The following ZNF540 variants were observed in gnomAD, a reference collection of about 807,000 sequenced individuals.
The protein encoded by ZNF540 is CTD-3064H18.6.
ZNF540 carries 3 observed loss-of-function variants against 11.8 expected under a neutral mutation model. The ratio of observed to expected loss-of-function variants is 0.25; its 90% confidence interval spans 0.12 to 0.65. The LOEUF (loss-of-function observed/expected upper bound fraction) is 0.65. Ranked by LOEUF, ZNF540 falls within the 30% of genes least tolerant of loss-of-function variation. The pLI, the probability that ZNF540 is intolerant of heterozygous loss-of-function variation, is 0.83. For synonymous variants in ZNF540, 247 were observed against 259.0 expected, an observed-to-expected ratio of 0.95 and a Z score of 0.45; for missense variants, 709 against 793.1, an observed-to-expected ratio of 0.89 and a Z score of 1.27.
At chr19:37,574,044 T>C (rs1385501448) in intron 1 of ZNF540, among the ~76,000 whole-genome samples, 1 of 152,190 alleles carries the variant, frequency 6.6e-6, no homozygotes, top group Non-Finnish European at 1.5e-5. Context: ...CATGTATTCC[T>C]GAAACATATA....
chr19:37,553,110 CATCTTTTTTTT>C (rs2042624936), intron 1 of ZNF540, among the ~76,000 whole-genome samples: 1 of 62,866 alleles, frequency 1.6e-5, no homozygotes, highest in Non-Finnish European at 3.2e-5. Flanking sequence ...TATAACCTAA[CATCTTTTTTTT>C]TTTTTTTTTT....
At chr19:37,594,754 ACAAGCTCC>A (rs1254090588), upstream of ZNF540, 1 of 152,190 alleles carries the variant, frequency 6.6e-6, no homozygotes, top group Admixed American at 6.5e-5. Context: ...GCCGGCGCAG[ACAAGCTCC>A]GTGCGTCAAG....
chr19:37,589,587 A>G (rs1050247360), intron 1 of ZNF540, among the ~76,000 whole-genome samples: 2 of 152,136 alleles, frequency 1.3e-5, no homozygotes, highest in Non-Finnish European at 2.9e-5. Context: ...TGAATCCAAT[A>G]TCATTAAGAT....
chr19:37,581,418 C>A (rs985904982), intron 1 of ZNF540, among the ~76,000 whole-genome samples: 9 of 152,118 alleles, frequency 5.9e-5, no homozygotes, highest in Non-Finnish European at 8.8e-5. Flanking sequence ...AGATCATTTA[C>A]CTTTATACCA....
In ZNF540 at chr19:37,604,296, CTTTTTTTTTTTTT is replaced by C. The variant is rs769163050; in HGVS notation, c.232+3208_232+3220del. Among the ~76,000 whole-genome samples the C allele has an allele frequency of 5.2e-3, 394 of 75,282 alleles. 10 individuals are homozygous for C. In the Middle Eastern group the frequency reaches 0.056, roughly 11 times the overall value. The allele number at this position is 75,282 out of a possible 152,430, so 49.4% of individuals were successfully genotyped here. A position where few individuals can be genotyped will look rare whatever the true frequency, so the allele number is the denominator to read the frequency against. The stretch of plus-strand genomic sequence containing the variant: ...CATAGAGCTTTGGAAAATAGCCTTA[CTTTTTTTTTTTTT>C]TTTTTTTTTTTTTTTTAAGGCGGAG... On this transcript the variant is annotated intron_variant, in intron 4 of 4. Coordinates refer to ENST00000316433, the MANE Select transcript of ZNF540 (RefSeq NM_001172225.3).
intron 1 of ZNF540, among the ~76,000 whole-genome samples, chr19:37,582,013 G>T (rs936128622): frequency 1.3e-5 from 2 of 152,008 alleles, no homozygotes; most frequent in South Asian, 4.1e-4. Flanking sequence ...AAATAATACT[G>T]CATATATAAA....
intron 1 of ZNF540, chr19:37,566,258 G>T: frequency 6.2e-7 from 1 of 1,612,850 alleles, no homozygotes; most frequent in South Asian, 1.1e-5. Context: ...CTTTTCTGGA[G>T]ATAACTTTTT....
chr19:37,577,624 A>C (rs2043287607), intron 1 of ZNF540, among the ~76,000 whole-genome samples: 1 of 152,206 alleles, frequency 6.6e-6, no homozygotes, highest in Non-Finnish European at 1.5e-5. Context: ...CCACAGACTA[A>C]CTCATATATG....
chr19:37,591,324 T>C (rs1176120890), upstream of ZNF540, among the ~76,000 whole-genome samples: 1 of 152,112 alleles, frequency 6.6e-6, no homozygotes, highest in African/African-American at 2.4e-5. Context: ...ACTAGAATCA[T>C]GACAGAAAGA....
Position 37,594,931 on chromosome 19 carries a change from C to T in ZNF540, c.-237C>T, listed in dbSNP as rs902238705. 1.3e-5 allele frequency: 2 copies of T among 152,180 alleles called. No individual in the cohort carries two copies. Among genetic ancestry groups the T allele is most frequent in the African/African-American group, 4.8e-5 (2 of 41,442 alleles). The allele number at this position is 152,180 out of a possible 1,614,324, so 9.4% of individuals were successfully genotyped here. A position where few individuals can be genotyped will look rare whatever the true frequency, so the allele number is the denominator to read the frequency against. On this transcript the variant is annotated 5_prime_UTR_variant, in exon 1 of 5. Coordinates refer to ENST00000316433, the MANE Select transcript of ZNF540 (RefSeq NM_001172225.3). ...GAACGATCCCTGAGGCTCCCTTGCTCGAACTGTGGGACTTACCCTACTATG... is the reference window on the plus strand; with the variant it reads ...GAACGATCCCTGAGGCTCCCTTGCTTGAACTGTGGGACTTACCCTACTATG...
In ZNF540 at chr19:37,601,045, CTGGA is replaced by C; in HGVS notation, c.173_176del (p.Leu58ArgfsTer13). The stretch of plus-strand genomic sequence containing the variant: ...CTCAAAGCCAGATGTGATTACCTTA[CTGGA>C]GCAAGGGAAAGAGCCCTGCGTGGTG... On this transcript the variant is annotated frameshift_variant, in exon 4 of 5. Transcript: ENST00000316433. LOFTEE classifies it high-confidence loss of function. 1 of 1,591,900 alleles carries C rather than the reference CTGGA, an allele frequency of 6.3e-7. No individual in the cohort carries two copies.
intron 1 of ZNF540, among the ~76,000 whole-genome samples, chr19:37,572,341 T>C (rs1490860554): frequency 6.6e-6 from 1 of 152,174 alleles, no homozygotes; most frequent in Non-Finnish European, 1.5e-5. Flanking sequence ...ATACCAGAAA[T>C]AAACAATTCA....
chr19:37,611,365 A>C (rs1215333040), intron 4 of ZNF540, 148 bp from the exon 5 acceptor site: 2 of 625,944 alleles, frequency 3.2e-6, no homozygotes, highest in Non-Finnish European at 5.2e-6. Flanking sequence ...GCCTAATTTC[A>C]AATTATATAA....
chr19:37,560,359 G>T (rs2042703842), intron 1 of ZNF540: 1 of 151,630 alleles, frequency 6.6e-6, no homozygotes, highest in Non-Finnish European at 1.5e-5. Context: ...ATGTAACTTT[G>T]TAAGATAAAT....
chr19:37,587,457 C>G (rs1600531562), intron 1 of ZNF540: 1 of 152,246 alleles, frequency 6.6e-6, no homozygotes, highest in Non-Finnish European at 1.5e-5. Context: ...CACAGAAGCA[C>G]GGAGGGTCAA....
At position 37,612,575 on chromosome 19, in the gene ZNF540, T is replaced by G. The variant is rs1302272218; in HGVS notation, c.1295T>G (p.Ile432Ser). Reference sequence around the variant, plus strand: ...GGTGACCTCAGAGTACATTCTAGAATTCATACTGGAGAGAAACCATATGAA... The same window carrying G: ...GGTGACCTCAGAGTACATTCTAGAAGTCATACTGGAGAGAAACCATATGAA... ...YSGDLRVHSR[I>S]HTGEKPYECK... Residue 432 changes from isoleucine (I) to serine (S), a missense_variant, in exon 5 of 5, where the codon ATT (isoleucine) becomes AGT (serine). By Grantham distance (142) the Ile-to-Ser change is moderately radical (BLOSUM62 -2). Coordinates refer to ENST00000316433, the MANE Select transcript of ZNF540 (RefSeq NM_001172225.3). 1.9e-6 allele frequency: 3 copies of G among 1,613,988 alleles called. No individual in the cohort carries two copies. Among genetic ancestry groups the G allele is most frequent in the South Asian group, 1.1e-5 (1 of 91,088 alleles).
intron 1 of ZNF540, among the ~76,000 whole-genome samples, chr19:37,577,097 T>C (rs7256747): frequency 0.79 from 119,926 of 152,120 alleles, 47,377 homozygotes; most frequent in South Asian, 0.88. Context: ...GAACATTCCA[T>C]TTACAACAAA....
At chr19:37,579,351 C>T (rs969490340) in intron 1 of ZNF540, among the ~76,000 whole-genome samples, 4 of 152,310 alleles carry the variant, frequency 2.6e-5, no homozygotes, top group South Asian at 4.1e-4. Context: ...GACCATTTCC[C>T]CCAGGGCCTG....
intron 1 of ZNF540, among the ~76,000 whole-genome samples, chr19:37,572,256 C>T (rs1443884125): frequency 6.6e-6 from 1 of 152,142 alleles, no homozygotes; most frequent in Non-Finnish European, 1.5e-5. Flanking sequence ...TACTGTAGTT[C>T]CCCCTTACCA....
Sources: gnomAD v4.1 joint callset for allele counts (sites outside exome capture counted in the v4.1 genomes callset) on GRCh38, gnomAD v4.1.1 for gene constraint, MANE v1.5 for transcripts, NCBI Gene and HGNC (gene_info 2026-07-23, HGNC 2026-07-21) for gene names.